Variants in ANKRD11 observed in about 807,000 individuals in gnomAD.
ANKRD11 encodes ankyrin repeat domain-containing protein 11.
In ANKRD11, 17 loss-of-function variants were observed where a neutral mutation model predicts 195.7. That is an observed-to-expected ratio of 0.09 (90% CI 0.06 to 0.13). The LOEUF (loss-of-function observed/expected upper bound fraction) is 0.13. ANKRD11 is among the 10% of genes least tolerant of loss of function. The probability of loss-of-function intolerance (pLI) is 1.00; values close to 1 mark genes in which losing one functional copy is unlikely to be tolerated. For missense variants in ANKRD11, 3,735 were observed against 3,566.1 expected, an observed-to-expected ratio of 1.05 and a Z score of -1.21; for synonymous variants, 1,953 against 1,528.1, an observed-to-expected ratio of 1.28 and a Z score of -6.49.
chr16:89,286,210 C>G, intron 7 of ANKRD11, 24 bp from the exon 8 acceptor site: 1 of 1,610,790 alleles, frequency 6.2e-7, no homozygotes, highest in Middle Eastern at 1.7e-4. Flanking sequence ...ACACCCGCGT[C>G]AGGGACTGCT....
intron 2 of ANKRD11, among the ~76,000 whole-genome samples, chr16:89,396,850 C>A (rs1244236882): frequency 6.6e-6 from 1 of 152,116 alleles, no homozygotes; most frequent in Non-Finnish European, 1.5e-5. Context: ...CCACACCCGG[C>A]TAATTTTTAT....
At chr16:89,411,634 G>A (rs953876834) in intron 2 of ANKRD11, among the ~76,000 whole-genome samples, 2 of 151,942 alleles carry the variant, frequency 1.3e-5, no homozygotes, top group Admixed American at 6.6e-5. Context: ...GGCTGGTCTC[G>A]AACTCCTGAC....
intron 2 of ANKRD11, among the ~76,000 whole-genome samples, chr16:89,384,177 G>A (rs552384574): frequency 6.6e-5 from 10 of 152,298 alleles, no homozygotes; most frequent in African/African-American, 2.4e-4. Flanking sequence ...GCTGAGATGT[G>A]CTCCTGCACT....
At chr16:89,473,964 A>C (rs1434112868) in intron 1 of ANKRD11, among the ~76,000 whole-genome samples, 1 of 152,208 alleles carries the variant, frequency 6.6e-6, no homozygotes, top group Non-Finnish European at 1.5e-5. Flanking sequence ...TAGTCTACTG[A>C]AGCAGAAGAC....
intron 2 of ANKRD11, among the ~76,000 whole-genome samples, chr16:89,390,316 T>G (rs1442639854): frequency 1.4e-3 from 123 of 89,992 alleles, no homozygotes; most frequent in East Asian, 1.7e-3. Flanking sequence ...GAGTGTGGCG[T>G]GGAGCACAGA....
At chr16:89,352,101 G>A (rs2039246735) in intron 2 of ANKRD11, among the ~76,000 whole-genome samples, 1 of 151,574 alleles carries the variant, frequency 6.6e-6, no homozygotes, top group Admixed American at 6.6e-5. Context: ...ATGTTGGTCA[G>A]ATTGGTCTCA....
At chr16:89,424,310 G>T (rs1021080220) in intron 1 of ANKRD11, among the ~76,000 whole-genome samples, 1 of 152,000 alleles carries the variant, frequency 6.6e-6, no homozygotes, top group Admixed American at 6.6e-5. Context: ...GCGTGGTGGC[G>T]CATGCCTGTA....
At chr16:89,402,102 G>A (rs1013092873) in intron 2 of ANKRD11, among the ~76,000 whole-genome samples, 4 of 152,150 alleles carry the variant, frequency 2.6e-5, no homozygotes, top group African/African-American at 9.7e-5. Flanking sequence ...TCTGTCCATG[G>A]ACCTCTTTAA....
At chr16:89,398,109 C>G (rs1441448823) in intron 2 of ANKRD11, among the ~76,000 whole-genome samples, 3 of 150,682 alleles carry the variant, frequency 2.0e-5, no homozygotes, top group Non-Finnish European at 4.4e-5. Flanking sequence ...CCTCAGCGCT[C>G]TGGGAGGCTG....
chr16:89,392,897 C>T (rs985713720), intron 2 of ANKRD11, among the ~76,000 whole-genome samples: 2 of 151,896 alleles, frequency 1.3e-5, no homozygotes, highest in African/African-American at 4.8e-5. Flanking sequence ...GAACTTGTGT[C>T]TAATCACCAC....
intron 2 of ANKRD11, among the ~76,000 whole-genome samples, chr16:89,366,129 C>CAAAAA (rs71387689): frequency 1.2e-4 from 7 of 60,396 alleles, no homozygotes; most frequent in African/African-American, 1.9e-4. Flanking sequence ...GACTCCATCT[C>CAAAAA]AAAAAAAAAA....
chr16:89,434,718 A>G (rs1479162850), intron 1 of ANKRD11, among the ~76,000 whole-genome samples: 1 of 152,208 alleles, frequency 6.6e-6, no homozygotes, highest in Non-Finnish European at 1.5e-5. Context: ...CACACACACA[A>G]GGTCTCAGGA....
At chr16:89,396,136 A>G (rs929999627) in intron 2 of ANKRD11, 2 of 152,246 alleles carry the variant, frequency 1.3e-5, no homozygotes, top group Non-Finnish European at 2.9e-5. Flanking sequence ...TGAAAATTCA[A>G]GCTTTCAAAG....
intron 2 of ANKRD11, among the ~76,000 whole-genome samples, chr16:89,333,572 GCA>G (rs1338172720): frequency 6.6e-6 from 1 of 152,202 alleles, no homozygotes; most frequent in Non-Finnish European, 1.5e-5. Flanking sequence ...TGTGCTGTCT[GCA>G]CAGTTTTGCC....
At chr16:89,457,284 T>C (rs1008018765) in intron 1 of ANKRD11, among the ~76,000 whole-genome samples, 3 of 149,054 alleles carry the variant, frequency 2.0e-5, no homozygotes, top group African/African-American at 2.5e-5. Context: ...AAAATTAAAG[T>C]AGTATGTCAG....
At chr16:89,410,154 A>G (rs2042059435) in intron 2 of ANKRD11, among the ~76,000 whole-genome samples, 1 of 152,078 alleles carries the variant, frequency 6.6e-6, no homozygotes, top group South Asian at 2.1e-4. Flanking sequence ...CTAAATTTAA[A>G]ACACAGTTTG....
intron 1 of ANKRD11, among the ~76,000 whole-genome samples, chr16:89,468,213 T>G (rs1463067303): frequency 6.6e-6 from 1 of 152,218 alleles, no homozygotes; most frequent in Non-Finnish European, 1.5e-5. Context: ...AAACAATTAT[T>G]TGGATGACTA....
chr16:89,285,224 G>C lies in ANKRD11; in HGVS notation c.1318C>G (p.Arg440Gly), dbSNP rs771973198. 21 of 1,613,470 alleles carry C rather than the reference G, an allele frequency of 1.3e-5. No homozygotes were observed. Among genetic ancestry groups the C allele is most frequent in the Non-Finnish European group, 1.7e-5 (20 of 1,180,002 alleles). ...AHTILPGSKTREPSNAKQQKE... is the reference protein window; with the variant it reads ...AHTILPGSKTGEPSNAKQQKE... Reference sequence around the variant, plus strand: ...TGCTGCTTGGCATTAGAAGGCTCTCGTGTCTTACTACCAGGCAATATCGTA... The same window carrying C: ...TGCTGCTTGGCATTAGAAGGCTCTCCTGTCTTACTACCAGGCAATATCGTA... Residue 440 changes from arginine (R) to glycine (G), a missense_variant, in exon 9 of 13, where the codon CGA (arginine) becomes GGA (glycine). Transcript: ENST00000301030. This position sits in a 1 kb window ranked among gnomAD's most constrained non-coding sequence, Gnocchi z 5.6.
intron 3 of ANKRD11, chr16:89,313,661 C>G: frequency 8.1e-7 from 1 of 1,229,506 alleles, no homozygotes; most frequent in Non-Finnish European, 1.1e-6. Flanking sequence ...GAAGACTGAG[C>G]AGAAACCATT....
Sources: gnomAD v4.1 joint callset for allele counts (sites outside exome capture counted in the v4.1 genomes callset) on GRCh38, gnomAD v4.1.1 for gene constraint, Gnocchi (gnomAD v3.1) non-coding constraint, MANE v1.5 for transcripts, NCBI Gene and HGNC (gene_info 2026-07-23, HGNC 2026-07-21) for gene names.